CDH23: variants seen among roughly 807,000 people sequenced by gnomAD.
CDH23 encodes cadherin-23.
A neutral mutation model predicts 317.1 loss-of-function variants in CDH23; 189 were observed. The ratio of observed to expected loss-of-function variants is 0.60; its 90% CI spans 0.53 to 0.67. CDH23 has a LOEUF of 0.67. Among genes scored for constraint, CDH23 ranks in the 30% least tolerant of loss-of-function variants. The pLI is 0.00. For missense variants in CDH23, 4,401 were observed against 4,592.4 expected, an observed-to-expected ratio of 0.96 and a Z score of 1.20; for synonymous variants, 1,839 against 1,876.8, an observed-to-expected ratio of 0.98 and a Z score of 0.52.
chr10:71,690,575 G>T lies in CDH23; in HGVS notation c.2167G>T (p.Ala723Ser), dbSNP rs1279284639. ...AGGCTCCACCCAGTTTCGGATCAAT[G>T]CCCGCTCAGGTGAGCCCCCCCACCC... is the stretch of plus-strand genomic sequence containing the variant. Reference protein sequence around the residue: ...LEGSTQFRINARSGEITTTSL... With the variant: ...LEGSTQFRINSRSGEITTTSL... Residue 723 changes from alanine (A) to serine (S), a missense_variant, in exon 20 of 70, where the codon GCC becomes TCC. This residue lies in a region of CDH23 where 3,068 missense variants were observed against 3,203.3 expected (regional missense o/e 0.96). Transcript: ENST00000224721. The T allele has an allele frequency of 6.3e-7, 1 of 1,596,956 alleles. No homozygotes were observed. Among genetic ancestry groups the T allele is most frequent in the East Asian group, 2.3e-5 (1 of 44,138 alleles).
At chr10:71,799,361 C>A (rs1841493735) in intron 51 of CDH23, 81 bp downstream of exon 51, 22 of 1,605,670 alleles carry the variant, frequency 1.4e-5, no homozygotes, top group Middle Eastern at 1.6e-4. Flanking sequence ...TCCCACCCTG[C>A]CAGCCTCTAA....
In CDH23 at chr10:71,510,082, GTTC is replaced by G; in HGVS notation, c.151_153del (p.Ser51del). 1 of 1,614,026 alleles carries G rather than the reference GTTC, an allele frequency of 6.2e-7. No individual in the cohort carries two copies. The highest frequency in any genetic ancestry group is 1.7e-5 in the Admixed American group (1 of 60,032). ...CTGCTCTCTCCCTTGGCTACTCCAG[GTTC>G]TTCTGTGACCCAGTTGCTGGCCCAA... On this transcript the variant is annotated inframe_deletion and splice_region_variant, in exon 4 of 70. Transcript: ENST00000224721.
At position 71,414,264 on chromosome 10, in the gene CDH23, C is replaced by A. The variant is rs149994991; in HGVS notation, c.-6+16946C>A. 1.8e-4 allele frequency among the ~76,000 whole-genome samples: 28 copies of A among 152,238 alleles called. No homozygotes were observed. The East Asian group carries it at 5.0e-3, about 27-fold the overall frequency. On this transcript the variant is annotated intron_variant, in intron 1 of 69. Coordinates refer to ENST00000224721, the MANE Select transcript of CDH23 (RefSeq NM_022124.6). Reference sequence around the variant, plus strand: ...AAGGCATCCTTGTTTTGTTCCTGATCTTAGGAGAAAAGCATTCAGTCTTTT... The same window carrying A: ...AAGGCATCCTTGTTTTGTTCCTGATATTAGGAGAAAAGCATTCAGTCTTTT...
At chr10:71,673,799 A>G (rs377112228) in intron 14 of CDH23, among the ~76,000 whole-genome samples, 2 of 152,196 alleles carry the variant, frequency 1.3e-5, no homozygotes, top group Non-Finnish European at 2.9e-5. Context: ...GGTTGTAGGT[A>G]GAAGGCGTGC....
At chr10:71,522,374 A>G (rs1589161287) in intron 6 of CDH23, among the ~76,000 whole-genome samples, 1 of 151,876 alleles carries the variant, frequency 6.6e-6, no homozygotes, top group Non-Finnish European at 1.5e-5. Context: ...GCTTTTGCCC[A>G]TTGTCATTTT....
chr10:71,449,051 T>C (rs751169952), intron 3 of CDH23, among the ~76,000 whole-genome samples: 1 of 152,208 alleles, frequency 6.6e-6, no homozygotes, highest in Non-Finnish European at 1.5e-5. Flanking sequence ...GATCCCTCAC[T>C]GGATTGTTGG....
chr10:71,608,251 T>G (rs1048233245), intron 9 of CDH23, among the ~76,000 whole-genome samples: 1 of 152,128 alleles, frequency 6.6e-6, no homozygotes, highest in Admixed American at 6.6e-5. Flanking sequence ...GAGAGACCAT[T>G]GGAAGGAATG....
chr10:71,573,745 C>T (rs1394702568), intron 8 of CDH23, among the ~76,000 whole-genome samples: 1 of 152,238 alleles, frequency 6.6e-6, no homozygotes, highest in African/African-American at 2.4e-5. Context: ...CACAGCTTGG[C>T]TTATGGCTGG....
chr10:71,811,507 G>A lies in CDH23; in HGVS notation c.9199-4G>A, dbSNP rs369900526. On this transcript the variant is annotated splice_polypyrimidine_tract_variant and splice_region_variant and intron_variant, in intron 63 of 69. Coordinates refer to ENST00000224721, the MANE Select transcript of CDH23 (RefSeq NM_022124.6). ...CCGGGCTTACCCTGGTCCTGCTCCC[G>A]CAGATGGCGATCATCGTCCTGGCTA... 2.3e-5 allele frequency: 37 copies of A among 1,613,764 alleles called. No individual in the cohort carries two copies. Among genetic ancestry groups the A allele is most frequent in the Non-Finnish European group, 2.9e-5 (34 of 1,179,876 alleles).
chr10:71,667,394 G>GTT (rs1863957501), intron 14 of CDH23, among the ~76,000 whole-genome samples: 1 of 110,560 alleles, frequency 9.0e-6, no homozygotes, highest in Non-Finnish European at 2.1e-5. Context: ...GTGTGTGTGT[G>GTT]TGCGCGTGTG....
intron 3 of CDH23, among the ~76,000 whole-genome samples, chr10:71,474,972 T>C (rs1851713002): frequency 6.6e-6 from 1 of 152,268 alleles, no homozygotes; most frequent in South Asian, 2.1e-4. Context: ...ATCTCTTTCA[T>C]TCAAGACCCT....
chr10:71,792,518 C>T (rs892463493), intron 47 of CDH23, among the ~76,000 whole-genome samples: 1 of 151,924 alleles, frequency 6.6e-6, no homozygotes, highest in African/African-American at 2.4e-5. Context: ...AGGCAAACAA[C>T]AAACCAAAAA....
chr10:71,412,731 G>A (rs1407094265), intron 1 of CDH23, among the ~76,000 whole-genome samples: 2 of 152,134 alleles, frequency 1.3e-5, no homozygotes, highest in East Asian at 3.8e-4. Flanking sequence ...ATCTCACTGT[G>A]GTTTTGATTT....
At position 71,803,288 on chromosome 10, in the gene CDH23, C is replaced by T. The variant is rs1385451878; in HGVS notation, c.7740C>T (p.Thr2580=). 1.9e-6 allele frequency: 3 copies of T among 1,590,008 alleles called. No homozygotes were observed. The highest frequency in any genetic ancestry group is 2.3e-5 in the East Asian group (1 of 43,360). ...PLQSYEKFSL[T]VVATDGGEPP... ...AGTCCTACGAGAAGTTCAGTCTGAC[C>T]GTGGTGGCCACAGATGGTGGAGAGC... The change falls in exon 55 of 70, where the codon ACC becomes ACT. Residue 2580 remains threonine (T), a synonymous_variant. Coordinates refer to ENST00000224721, the MANE Select transcript of CDH23 (RefSeq NM_022124.6).
chr10:71,787,765 C>T (rs1247097700), intron 44 of CDH23, among the ~76,000 whole-genome samples: 2 of 152,212 alleles, frequency 1.3e-5, no homozygotes, highest in Non-Finnish European at 2.9e-5. Flanking sequence ...CTATATACCA[C>T]ATTTTCTTTA....
intron 7 of CDH23, among the ~76,000 whole-genome samples, chr10:71,569,091 G>C (rs1021748784): frequency 1.3e-5 from 2 of 152,190 alleles, no homozygotes; most frequent in Non-Finnish European, 2.9e-5. Context: ...TCCCTAGCTG[G>C]GAGCTCTCCC....
At chr10:71,701,285 G>A (rs1277448825) in intron 22 of CDH23, among the ~76,000 whole-genome samples, 9 of 152,316 alleles carry the variant, frequency 5.9e-5, no homozygotes, top group Admixed American at 1.3e-4. Flanking sequence ...GCGGGGGATC[G>A]GTGCACGCAG....
At chr10:71,526,612 AG>A (rs1855052962) in intron 6 of CDH23, among the ~76,000 whole-genome samples, 1 of 152,200 alleles carries the variant, frequency 6.6e-6, no homozygotes, top group African/African-American at 2.4e-5. Context: ...CTCAAGCTCC[AG>A]GATTCACAAA....
At chr10:71,738,413 C>A in intron 34 of CDH23, 85 bp from the exon 35 acceptor site, 2 of 1,529,232 alleles carry the variant, frequency 1.3e-6, no homozygotes, top group Non-Finnish European at 1.8e-6. Flanking sequence ...GGGATCTGGT[C>A]CCTACTGGAC....
Sources: allele counts gnomAD v4.1 joint callset (sites outside exome capture counted in the v4.1 genomes callset), GRCh38; gene constraint gnomAD v4.1.1; regional missense constraint gnomAD v4.1.1; transcripts MANE v1.5; gene names NCBI Gene and HGNC (gene_info 2026-07-23, HGNC 2026-07-21).